OTOGL: variants seen among roughly 807,000 people sequenced by gnomAD.
OTOGL encodes otogelin-like protein.
In OTOGL, 285 loss-of-function variants were observed where a neutral mutation model predicts 318.5. That is an observed-to-expected ratio of 0.89 (90% CI 0.81 to 0.99). The LOEUF (loss-of-function observed/expected upper bound fraction) is 0.99, where lower values mean the gene tolerates loss of function less well. OTOGL is among the 50% of genes least tolerant of loss of function. The probability of loss-of-function intolerance (pLI) is 0.00; values close to 1 mark genes in which losing one functional copy is unlikely to be tolerated. For synonymous variants in OTOGL, 987 were observed against 936.5 expected, an observed-to-expected ratio of 1.05 and a Z score of -0.99; for missense variants, 2,899 against 2,845.6, an observed-to-expected ratio of 1.02 and a Z score of -0.43.
intron 1 of OTOGL, among the ~76,000 whole-genome samples, chr12:80,123,188 C>T (rs1014454778): frequency 1.1e-4 from 17 of 152,224 alleles, no homozygotes; most frequent in Non-Finnish European, 1.3e-4. Context: ...TCCCCCTTCC[C>T]CCACCCCACA....
intron 4 of OTOGL, among the ~76,000 whole-genome samples, chr12:80,212,436 G>C (rs1034563589): frequency 6.6e-6 from 1 of 152,152 alleles, no homozygotes; most frequent in Non-Finnish European, 1.5e-5. Context: ...CTGACAGAAA[G>C]TTTTTATAAT....
intron 32 of OTOGL, among the ~76,000 whole-genome samples, chr12:80,315,820 A>G (rs1886934398): frequency 6.6e-6 from 1 of 152,198 alleles, no homozygotes; most frequent in Admixed American, 6.5e-5. Context: ...GTAGTTAAAG[A>G]AAATCGAACT....
intron 1 of OTOGL, among the ~76,000 whole-genome samples, chr12:80,121,736 A>C (rs1310850718): frequency 6.6e-6 from 1 of 152,226 alleles, no homozygotes; most frequent in African/African-American, 2.4e-5. Context: ...AGCTTAACTG[A>C]CATTATGAGG....
intron 40 of OTOGL, 60 bp downstream of exon 40, chr12:80,336,615 C>T (rs1360084615): frequency 2.0e-6 from 3 of 1,522,352 alleles, no homozygotes; most frequent in Non-Finnish European, 2.7e-6. Context: ...ATGTCTATTG[C>T]AACATCAGGG....
At chr12:80,345,028 ATAT>A (rs1406624374) in intron 44 of OTOGL, among the ~76,000 whole-genome samples, 3 of 91,172 alleles carry the variant, frequency 3.3e-5, no homozygotes, top group Non-Finnish European at 7.3e-5. Flanking sequence ...TATATTTTAT[ATAT>A]TATAACATAT....
chr12:80,210,451 C>T (rs1268061055), intron 2 of OTOGL, among the ~76,000 whole-genome samples: 1 of 152,038 alleles, frequency 6.6e-6, no homozygotes, highest in Non-Finnish European at 1.5e-5. Context: ...CCAAGGAGAA[C>T]GATGTCACAG....
chr12:80,121,637 G>A lies in OTOGL; in HGVS notation c.-20+22032G>A, dbSNP rs116758868. ...ATTATCTTGTTTGGTTTTCTAATTGGCCAAGTAAATAGAAAAATTGACACT... is the reference window on the plus strand; with the variant it reads ...ATTATCTTGTTTGGTTTTCTAATTGACCAAGTAAATAGAAAAATTGACACT... On this transcript the variant is annotated intron_variant, in intron 1 of 58. Coordinates refer to ENST00000547103, the MANE Select transcript of OTOGL (RefSeq NM_001378609.3). Among the ~76,000 whole-genome samples, 1,237 of 152,194 alleles carry A rather than the reference G, an allele frequency of 8.1e-3. 15 individuals are homozygous for A. Among genetic ancestry groups the A allele is most frequent in the African/African-American group, 0.028 (1,147 of 41,516 alleles).
intron 57 of OTOGL, among the ~76,000 whole-genome samples, chr12:80,373,293 A>C (rs1592457102): frequency 6.6e-6 from 1 of 152,096 alleles, no homozygotes; most frequent in Non-Finnish European, 1.5e-5. Flanking sequence ...TTAGCTGGAC[A>C]TAGCAGCATG....
intron 53 of OTOGL, among the ~76,000 whole-genome samples, chr12:80,367,238 G>A (rs1015351455): frequency 6.6e-6 from 1 of 151,008 alleles, no homozygotes; most frequent in Non-Finnish European, 1.5e-5. Flanking sequence ...GCCTCACAAA[G>A]TACTGGGATT....
intron 1 of OTOGL, among the ~76,000 whole-genome samples, chr12:80,110,067 C>CTTTT (rs35589524): frequency 2.0e-3 from 207 of 103,690 alleles, no homozygotes; most frequent in East Asian, 3.1e-3. Context: ...TTCTTTCTTT[C>CTTTT]TTTTTTTTTT....
At chr12:80,367,496 C>T in intron 53 of OTOGL, 65 bp from the exon 54 acceptor site, 1 of 1,227,640 alleles carries the variant, frequency 8.1e-7, no homozygotes, top group Non-Finnish European at 1.1e-6. Flanking sequence ...AATATAAGTT[C>T]CAACGATGGA....
chr12:80,178,069 T>C (rs985169500), intron 1 of OTOGL, among the ~76,000 whole-genome samples: 1 of 139,394 alleles, frequency 7.2e-6, no homozygotes, highest in African/African-American at 2.6e-5. Context: ...TTCTTTTTTT[T>C]TTTTTTTTTT....
At chr12:80,169,728 T>C (rs1874061582) in intron 1 of OTOGL, among the ~76,000 whole-genome samples, 1 of 152,224 alleles carries the variant, frequency 6.6e-6, no homozygotes, top group Admixed American at 6.5e-5. Flanking sequence ...TTTTCTGTCC[T>C]TATAGCTTTG....
In OTOGL at chr12:80,336,982, T is replaced by C. The variant is rs1327864556; in HGVS notation, c.4838T>C (p.Ile1613Thr). The change falls in exon 42 of 59, where the codon ATT becomes ACT. Residue 1613 changes from isoleucine to threonine, a missense_variant. By Grantham distance (89) the Ile-to-Thr change is moderately conservative. Coordinates refer to ENST00000547103, the MANE Select transcript of OTOGL (RefSeq NM_001378609.3). ...GTGACAACACCCATACATAAAATAA[T>C]TGTCAATCGGTTGGCAAGAAAGGTA... ...LNVTTPIHKI[I>T]VNRLARKVEV... The C allele has an allele frequency of 6.3e-6, 10 of 1,586,942 alleles. No homozygotes were observed. Among genetic ancestry groups the C allele is most frequent in the East Asian group, 4.5e-5 (2 of 44,138 alleles).
At chr12:80,293,878 C>T (rs1885210774) in intron 26 of OTOGL, among the ~76,000 whole-genome samples, 1 of 152,098 alleles carries the variant, frequency 6.6e-6, no homozygotes, top group South Asian at 2.1e-4. Context: ...CTGCCTAAGG[C>T]TATGGTATCA....
intron 1 of OTOGL, among the ~76,000 whole-genome samples, chr12:80,115,397 C>T (rs558625654): frequency 3.9e-5 from 6 of 152,166 alleles, no homozygotes; most frequent in African/African-American, 1.2e-4. Context: ...CCACACCAGA[C>T]CCTGTTTGCC....
At chr12:80,172,481 T>C (rs1430579672) in intron 1 of OTOGL, among the ~76,000 whole-genome samples, 1 of 152,160 alleles carries the variant, frequency 6.6e-6, no homozygotes, top group African/African-American at 2.4e-5. Context: ...ATTGGTCTTC[T>C]CATAGGTTGG....
intron 29 of OTOGL, among the ~76,000 whole-genome samples, chr12:80,309,004 G>GAGGGAA (rs1886450144): frequency 6.6e-6 from 1 of 151,752 alleles, no homozygotes; most frequent in Non-Finnish European, 1.5e-5. Context: ...GGGAGAGGGA[G>GAGGGAA]AGGGAGAGAA....
At chr12:80,223,292 A>G (rs1448853372) in intron 7 of OTOGL, among the ~76,000 whole-genome samples, 1 of 151,676 alleles carries the variant, frequency 6.6e-6, no homozygotes, top group East Asian at 1.9e-4. Context: ...TATGGCATAT[A>G]TGTATATATA....
Sources: allele counts gnomAD v4.1 joint callset (sites outside exome capture counted in the v4.1 genomes callset), GRCh38; gene constraint gnomAD v4.1.1; transcripts MANE v1.5; gene names NCBI Gene and HGNC (gene_info 2026-07-23, HGNC 2026-07-21).